The following ABCA13 variants were observed in gnomAD, a reference collection of about 807,000 sequenced individuals.
ABCA13 encodes the protein ATP binding cassette subfamily A member 13.
In ABCA13, 476 loss-of-function variants were observed where a neutral mutation model predicts 478.7. The ratio of observed to expected loss-of-function variants is 0.99; its 90% CI spans 0.92 to 1.07. The LOEUF is 1.07. Ranked by LOEUF, ABCA13 falls within the 50% of genes least tolerant of loss-of-function variation. The pLI, the probability that ABCA13 is intolerant of heterozygous loss-of-function variation, is 0.00. For missense variants in ABCA13, 6,060 were observed against 5,910.6 expected, an observed-to-expected ratio of 1.03 and a Z score of -0.83; for synonymous variants, 2,252 against 2,158.9, an observed-to-expected ratio of 1.04 and a Z score of -1.20.
At chr7:48,252,321 C>A (rs1451301527) in intron 15 of ABCA13, among the ~76,000 whole-genome samples, 14 of 151,984 alleles carry the variant, frequency 9.2e-5, no homozygotes, top group Admixed American at 9.2e-4. Flanking sequence ...GAATTTCTGT[C>A]GGGTTCTTTG....
At chr7:48,352,621 T>G in intron 31 of ABCA13, 134 bp downstream of exon 31, 1 of 1,001,928 alleles carries the variant, frequency 1.0e-6, no homozygotes, top group South Asian at 2.0e-5. Context: ...ACTTTTTAAT[T>G]TCGTAAGGTT....
At chr7:48,366,758 T>G (rs1384335460) in intron 31 of ABCA13, among the ~76,000 whole-genome samples, 1 of 152,112 alleles carries the variant, frequency 6.6e-6, no homozygotes, top group Non-Finnish European at 1.5e-5. Flanking sequence ...CATTCATGAG[T>G]GTGGAGACCC....
intron 3 of ABCA13, among the ~76,000 whole-genome samples, chr7:48,218,735 G>A (rs944264060): frequency 6.6e-6 from 1 of 152,138 alleles, no homozygotes; most frequent in Non-Finnish European, 1.5e-5. Flanking sequence ...GACTTGAAAG[G>A]CATTGAATTT....
intron 38 of ABCA13, 69 bp from the exon 39 acceptor site, chr7:48,403,614 C>G: frequency 6.8e-7 from 1 of 1,471,780 alleles, no homozygotes; most frequent in South Asian, 1.2e-5. Context: ...GTCATTATTT[C>G]TGGAGTGAAA....
rs544883433 is a variant in ABCA13 at position 48,577,273 on chromosome 7, A to G, written c.14355-2951A>G. On this transcript the variant is annotated intron_variant, in intron 55 of 61. Transcript: ENST00000435803. ...ATTATAAAAAGGAAAATAATAAAGA[A>G]AAATCAATGAAACTAAAAGCTGAAA... 3.6e-4 allele frequency among the ~76,000 whole-genome samples: 55 copies of G among 152,192 alleles called. 1 individual carries two copies. Among genetic ancestry groups the G allele is most frequent in the African/African-American group, 1.2e-3 (50 of 41,574 alleles).
intron 3 of ABCA13, among the ~76,000 whole-genome samples, chr7:48,200,724 C>A (rs1798564983): frequency 6.6e-6 from 1 of 152,154 alleles, no homozygotes; most frequent in South Asian, 2.1e-4. Flanking sequence ...GTCAGTAGGG[C>A]CTCTGGTTTC....
chr7:48,589,942 C>A (rs938038632), intron 57 of ABCA13, among the ~76,000 whole-genome samples: 2 of 152,160 alleles, frequency 1.3e-5, no homozygotes, highest in Admixed American at 6.5e-5. Flanking sequence ...AATACTGTTT[C>A]ATTAGGGATT....
At chr7:48,325,705 A>G (rs1804220621) in intron 27 of ABCA13, among the ~76,000 whole-genome samples, 2 of 152,300 alleles carry the variant, frequency 1.3e-5, no homozygotes, top group Middle Eastern at 3.4e-3. Flanking sequence ...GCATTAGAGT[A>G]ATGGTGGATT....
intron 3 of ABCA13, among the ~76,000 whole-genome samples, chr7:48,218,637 C>T (rs957682327): frequency 1.3e-5 from 2 of 152,178 alleles, no homozygotes; most frequent in Admixed American, 6.5e-5. Context: ...CTCTGGGCTC[C>T]AGACCTAGCT....
intron 18 of ABCA13, 68 bp from the exon 19 acceptor site, chr7:48,281,275 A>C: frequency 2.3e-6 from 3 of 1,279,264 alleles, no homozygotes; most frequent in Non-Finnish European, 3.3e-6. Context: ...CTTAACCTAC[A>C]CAGTAGAGAT....
intron 35 of ABCA13, among the ~76,000 whole-genome samples, chr7:48,383,500 T>C: frequency 6.6e-6 from 1 of 152,204 alleles, no homozygotes; most frequent in Non-Finnish European, 1.5e-5. Context: ...TGAGGCTTGC[T>C]TCAGGATTTC....
chr7:48,535,228 C>A (rs935024213), intron 55 of ABCA13, among the ~76,000 whole-genome samples: 8 of 152,124 alleles, frequency 5.3e-5, no homozygotes, highest in Admixed American at 5.2e-4. Flanking sequence ...CTTCCCCTTG[C>A]CCTAGGAATG....
intron 11 of ABCA13, 118 bp from the exon 12 acceptor site, chr7:48,245,394 T>C: frequency 1.4e-6 from 1 of 702,584 alleles, no homozygotes; most frequent in Non-Finnish European, 2.3e-6. Flanking sequence ...TGTATAATAA[T>C]AGGTCAAGTT....
chr7:48,426,686 C>T (rs1821468925), intron 41 of ABCA13, among the ~76,000 whole-genome samples: 1 of 152,124 alleles, frequency 6.6e-6, no homozygotes. Flanking sequence ...GTGATGGAAG[C>T]ACCTGCACAG....
intron 57 of ABCA13, among the ~76,000 whole-genome samples, chr7:48,590,198 A>G (rs1789578191): frequency 6.6e-6 from 1 of 152,074 alleles, no homozygotes; most frequent in East Asian, 1.9e-4. Flanking sequence ...TGCTTGGCAT[A>G]AAGTCCTCCA....
At chr7:48,625,357 A>G (rs57558550) in intron 59 of ABCA13, among the ~76,000 whole-genome samples, 51 of 152,342 alleles carry the variant, frequency 3.3e-4, no homozygotes, top group African/African-American at 1.2e-3. Flanking sequence ...TGGGGAAGGA[A>G]GTTTGCACAT....
chr7:48,205,286 G>A (rs909728024), intron 3 of ABCA13, among the ~76,000 whole-genome samples: 1 of 151,890 alleles, frequency 6.6e-6, no homozygotes, highest in Non-Finnish European at 1.5e-5. Flanking sequence ...TGGGTTTTAC[G>A]TCTATGTATG....
intron 57 of ABCA13, among the ~76,000 whole-genome samples, chr7:48,588,462 G>A (rs1381372319): frequency 6.6e-6 from 1 of 152,200 alleles, no homozygotes; most frequent in Non-Finnish European, 1.5e-5. Context: ...GCTCACTGCA[G>A]ACCCTGACAT....
intron 57 of ABCA13, among the ~76,000 whole-genome samples, chr7:48,589,021 C>G (rs968081287): frequency 6.6e-6 from 1 of 152,172 alleles, no homozygotes; most frequent in African/African-American, 2.4e-5. Context: ...GTGCTTCTCC[C>G]CCTACACTTA....
Sources: gnomAD v4.1 joint callset for allele counts (sites outside exome capture counted in the v4.1 genomes callset) on GRCh38, gnomAD v4.1.1 for gene constraint, MANE v1.5 for transcripts, NCBI Gene and HGNC (gene_info 2026-07-23, HGNC 2026-07-21) for gene names.